The following REDIC1 variants were observed in gnomAD, a reference collection of about 807,000 sequenced individuals.
The protein encoded by REDIC1 is HEI10 Interacting Protein 1.
At chr12:39,807,067 T>C in the REDIC1 span, among the ~76,000 whole-genome samples, 1 of 151,958 alleles carries the variant, frequency 6.6e-6, no homozygotes, top group Non-Finnish European at 1.5e-5. Context: ...GTAATTATAG[T>C]TTTTGCCACT....
chr12:39,705,711 CAT>C, the REDIC1 span, among the ~76,000 whole-genome samples: 1 of 152,008 alleles, frequency 6.6e-6, no homozygotes, highest in Admixed American at 6.6e-5. Flanking sequence ...GGACAAGAAA[CAT>C]ATGAACATTT....
the REDIC1 span, among the ~76,000 whole-genome samples, chr12:39,832,597 T>A: frequency 6.6e-6 from 1 of 152,216 alleles, no homozygotes; most frequent in Non-Finnish European, 1.5e-5. Flanking sequence ...ACCTACTATG[T>A]GCCACACACT....
chr12:39,754,875 T>C, the REDIC1 span: 1 of 152,052 alleles, frequency 6.6e-6, no homozygotes, highest in Admixed American at 6.6e-5. Context: ...ATTTATCATA[T>C]CCATAATCAA....
the REDIC1 span, among the ~76,000 whole-genome samples, chr12:39,900,254 G>A: frequency 6.6e-6 from 1 of 151,998 alleles, no homozygotes; most frequent in East Asian, 1.9e-4. Flanking sequence ...GGCAAAAACT[G>A]GAAGCATTCC....
At chr12:39,905,851 T>TAA in the REDIC1 span, among the ~76,000 whole-genome samples, 1 of 151,088 alleles carries the variant, frequency 6.6e-6, no homozygotes, top group Non-Finnish European at 1.5e-5. Context: ...CTTCTATGGA[T>TAA]AACTTATTCT....
At chr12:39,849,012 G>C in the REDIC1 span, among the ~76,000 whole-genome samples, 13 of 152,002 alleles carry the variant, frequency 8.6e-5, no homozygotes, top group African/African-American at 2.9e-4. Context: ...CAGACACTGG[G>C]GTCTACTTGA....
chr12:39,639,195 T>G, the REDIC1 span, among the ~76,000 whole-genome samples: 1 of 151,938 alleles, frequency 6.6e-6, no homozygotes, highest in Admixed American at 6.6e-5. Context: ...AAAATGAAAT[T>G]TTTTTTCATT....
the REDIC1 span, among the ~76,000 whole-genome samples, chr12:39,899,090 G>A: frequency 2.0e-5 from 3 of 151,928 alleles, no homozygotes; most frequent in East Asian, 3.9e-4. Flanking sequence ...GGTAGAATTC[G>A]GCTGTGAATC....
the REDIC1 span, among the ~76,000 whole-genome samples, chr12:39,781,697 T>A: frequency 6.6e-6 from 1 of 152,222 alleles, no homozygotes; most frequent in Non-Finnish European, 1.5e-5. Context: ...AACAGCATAG[T>A]TATTTTCCAA....
the REDIC1 span, among the ~76,000 whole-genome samples, chr12:39,708,007 T>TA: frequency 6.6e-6 from 1 of 151,628 alleles, no homozygotes; most frequent in South Asian, 2.1e-4. Context: ...TACTAGAGGC[T>TA]AGGAAAGGTA....
chr12:39,713,415 TATAC>T, the REDIC1 span, among the ~76,000 whole-genome samples: 2 of 8,386 alleles, frequency 2.4e-4, no homozygotes, highest in African/African-American at 4.0e-4. Context: ...TGTATACACA[TATAC>T]ATATGTATAT....
chr12:39,655,421 C>T, the REDIC1 span, among the ~76,000 whole-genome samples: 277 of 152,258 alleles, frequency 1.8e-3, no homozygotes, highest in African/African-American at 5.9e-3. Flanking sequence ...CTCTTGTATG[C>T]AACACCTCAC....
At chr12:39,877,294 C>A in the REDIC1 span, among the ~76,000 whole-genome samples, 2 of 152,154 alleles carry the variant, frequency 1.3e-5, no homozygotes, top group Non-Finnish European at 2.9e-5. Context: ...AAAGGTATGT[C>A]TTACACGGTG....
the REDIC1 span, among the ~76,000 whole-genome samples, chr12:39,677,604 TA>T: frequency 1.3e-5 from 2 of 152,164 alleles, no homozygotes; most frequent in African/African-American, 4.8e-5. Flanking sequence ...AACAGATATT[TA>T]CAGAATATTG....
At chr12:39,864,968 C>A in the REDIC1 span, 2 of 1,253,170 alleles carry the variant, frequency 1.6e-6, no homozygotes, top group Non-Finnish European at 2.2e-6. Context: ...AACCAAAAAA[C>A]AAAGAAACAA....
chr12:39,821,671 G>A, the REDIC1 span, among the ~76,000 whole-genome samples: 1 of 152,148 alleles, frequency 6.6e-6, no homozygotes, highest in Non-Finnish European at 1.5e-5. Flanking sequence ...TACCGAAGAG[G>A]GAAAAGAGGA....
At chr12:39,835,853 G>C in the REDIC1 span, 1 of 152,048 alleles carries the variant, frequency 6.6e-6, no homozygotes, top group Non-Finnish European at 1.5e-5. Flanking sequence ...ATGAATTGAC[G>C]TAAATATATT....
the REDIC1 span, among the ~76,000 whole-genome samples, chr12:39,865,414 T>C: frequency 5.3e-5 from 8 of 152,228 alleles, no homozygotes; most frequent in Admixed American, 1.3e-4. Flanking sequence ...GTAGCATTTT[T>C]TGAAGACTTT....
At chr12:39,852,453 A>T in the REDIC1 span, among the ~76,000 whole-genome samples, 1 of 152,226 alleles carries the variant, frequency 6.6e-6, no homozygotes, top group African/African-American at 2.4e-5. Flanking sequence ...TTAGTGTTTT[A>T]GCATTGCTTA....
Sources: gnomAD v4.1 joint callset for allele counts (sites outside exome capture counted in the v4.1 genomes callset) on GRCh38, gnomAD v4.1.1 for gene constraint, MANE v1.5 for transcripts, NCBI Gene and HGNC (gene_info 2026-07-23, HGNC 2026-07-21) for gene names.